The following IQSEC1 variants were observed in gnomAD, a reference collection of about 807,000 sequenced individuals.
The protein encoded by IQSEC1 is IQ motif and Sec7 domain ArfGEF 1, also known as IQ motif and SEC7 domain-containing protein 1.
In IQSEC1, 31 loss-of-function variants were observed where a neutral mutation model predicts 91.0. The ratio of observed to expected loss-of-function variants is 0.34; its 90% confidence interval spans 0.26 to 0.46. The LOEUF (loss-of-function observed/expected upper bound fraction) is 0.46, where lower values mean the gene tolerates loss of function less well. Ranked by LOEUF, IQSEC1 falls within the 20% of genes least tolerant of loss-of-function variation. The pLI, the probability that IQSEC1 is intolerant of heterozygous loss-of-function variation, is 1.00. For missense variants in IQSEC1, 1,388 were observed against 1,575.6 expected, an observed-to-expected ratio of 0.88 and a Z score of 2.02; for synonymous variants, 699 against 662.6, an observed-to-expected ratio of 1.05 and a Z score of -0.84.
intron 1 of IQSEC1, among the ~76,000 whole-genome samples, chr3:13,167,087 G>A (rs1294345529): frequency 3.9e-5 from 6 of 152,104 alleles, no homozygotes; most frequent in East Asian, 1.9e-4. Context: ...CTGTATGTGC[G>A]TGTGTGTGTG....
chr3:13,070,359 T>C (rs1705374446), intron 1 of IQSEC1, among the ~76,000 whole-genome samples: 1 of 152,228 alleles, frequency 6.6e-6, no homozygotes, highest in South Asian at 2.1e-4. Flanking sequence ...ATGAGGCAAC[T>C]AAGCATGAGA....
chr3:13,022,983 CAGGCCA>C (rs1703469561), intron 1 of IQSEC1, among the ~76,000 whole-genome samples: 2 of 152,210 alleles, frequency 1.3e-5, no homozygotes, highest in Admixed American at 1.3e-4. Flanking sequence ...AAGCCCTCCT[CAGGCCA>C]AGAACTAACT....
chr3:13,046,303 G>A (rs1428413225), intron 1 of IQSEC1, among the ~76,000 whole-genome samples: 5 of 152,234 alleles, frequency 3.3e-5, no homozygotes, highest in Admixed American at 2.6e-4. Flanking sequence ...TCAGGTGACT[G>A]CGTGAGCGTG....
At chr3:13,220,606 C>A (rs941217938) in intron 1 of IQSEC1, among the ~76,000 whole-genome samples, 1 of 152,224 alleles carries the variant, frequency 6.6e-6, no homozygotes. Flanking sequence ...ATTTCCTGGT[C>A]GGGACAAGGT....
intron 1 of IQSEC1, among the ~76,000 whole-genome samples, chr3:12,974,350 G>C (rs1403257089): frequency 6.6e-6 from 1 of 152,174 alleles, no homozygotes; most frequent in Admixed American, 6.5e-5. Context: ...AGGGAATGCT[G>C]GTCTGTTGTA....
intron 1 of IQSEC1, among the ~76,000 whole-genome samples, chr3:13,255,926 T>G (rs1293878255): frequency 6.6e-6 from 1 of 152,132 alleles, no homozygotes; most frequent in Non-Finnish European, 1.5e-5. Context: ...TGTCCAGAGA[T>G]ATTTTTGTTG....
chr3:13,197,707 G>A (rs544229418), intron 1 of IQSEC1, among the ~76,000 whole-genome samples: 16 of 152,328 alleles, frequency 1.1e-4, no homozygotes, highest in African/African-American at 3.8e-4. Flanking sequence ...CACAGGCCAG[G>A]CATGGGTGGG....
At chr3:12,929,838 C>T (rs767771984) in intron 3 of IQSEC1, among the ~76,000 whole-genome samples, 2 of 152,176 alleles carry the variant, frequency 1.3e-5, no homozygotes, top group Non-Finnish European at 2.9e-5. Flanking sequence ...GCAGTGTAGT[C>T]GGAGCCTCCT....
chr3:13,090,826 T>C (rs1180557525), intron 2 of IQSEC1, among the ~76,000 whole-genome samples: 1 of 152,126 alleles, frequency 6.6e-6, no homozygotes, highest in Admixed American at 6.5e-5. Context: ...CTTCGATCCT[T>C]GAGCTCAGAA....
At chr3:12,957,435 A>G (rs1459373135) in intron 1 of IQSEC1, among the ~76,000 whole-genome samples, 1 of 152,258 alleles carries the variant, frequency 6.6e-6, no homozygotes, top group African/African-American at 2.4e-5. Context: ...ACACACGCAC[A>G]GAGCCAAAAA....
chr3:13,125,539 G>A (rs1038669210), intron 2 of IQSEC1, among the ~76,000 whole-genome samples: 1 of 152,252 alleles, frequency 6.6e-6, no homozygotes, highest in African/African-American at 2.4e-5. Context: ...GCAGTGCAGT[G>A]TGGCGCTTGA....
chr3:13,212,757 C>T (rs1305874613), intron 1 of IQSEC1, among the ~76,000 whole-genome samples: 1 of 152,176 alleles, frequency 6.6e-6, no homozygotes. Flanking sequence ...ATTTGCCTTT[C>T]CTTGGTGGCT....
chr3:13,063,939 A>C (rs1351869734), intron 1 of IQSEC1, among the ~76,000 whole-genome samples: 1 of 151,580 alleles, frequency 6.6e-6, no homozygotes. Context: ...CCTGATACCC[A>C]CCCTCACCTT....
At chr3:13,189,465 C>T (rs1419564842) in intron 1 of IQSEC1, among the ~76,000 whole-genome samples, 2 of 152,196 alleles carry the variant, frequency 1.3e-5, no homozygotes, top group Non-Finnish European at 2.9e-5. Context: ...TCCACACCTG[C>T]CTGCCAGGAC....
rs542503160 is a variant in IQSEC1, at chr3:12,966,134, A to G, written c.24-24269T>C. The stretch of plus-strand genomic sequence containing the variant: ...GTGGGATATGAATAACATGACCCCC[A>G]TGTCCAGACTGCTGCCACTGATTCC... On this transcript the variant is annotated intron_variant, in intron 1 of 13. Coordinates refer to ENST00000613206, the MANE Select transcript of IQSEC1 (RefSeq NM_001134382.3). Among the ~76,000 whole-genome samples the G allele has an allele frequency of 3.3e-5, 5 of 152,322 alleles. No individual in the cohort carries two copies. In the South Asian group the frequency reaches 1.0e-3, roughly 32 times the overall value.
At chr3:13,068,372 A>G (rs998872030) in intron 1 of IQSEC1, among the ~76,000 whole-genome samples, 2 of 152,222 alleles carry the variant, frequency 1.3e-5, no homozygotes, top group Non-Finnish European at 2.9e-5. Flanking sequence ...TCTAAGTCCC[A>G]ACATCATGCC....
intron 13 of IQSEC1, 86 bp from the exon 14 acceptor site, chr3:12,901,608 T>G (rs984968435): frequency 5.3e-6 from 6 of 1,140,932 alleles, no homozygotes; most frequent in Non-Finnish European, 1.2e-6. Context: ...ATGTAAAAAT[T>G]CACCCACTGA....
At chr3:13,240,759 A>C (rs571849440) in intron 1 of IQSEC1, among the ~76,000 whole-genome samples, 1 of 152,314 alleles carries the variant, frequency 6.6e-6, no homozygotes, top group Admixed American at 6.5e-5. Flanking sequence ...TCTGGGCTCC[A>C]TGAAAGACCC....
intron 1 of IQSEC1, among the ~76,000 whole-genome samples, chr3:13,064,717 T>C (rs868205967): frequency 7.9e-5 from 12 of 152,242 alleles, no homozygotes; most frequent in African/African-American, 2.9e-4. Context: ...TCATACAAAA[T>C]GCATTTTGTG....
Sources: allele counts gnomAD v4.1 joint callset (sites outside exome capture counted in the v4.1 genomes callset), GRCh38; gene constraint gnomAD v4.1.1; transcripts MANE v1.5; gene names NCBI Gene and HGNC (gene_info 2026-07-23, HGNC 2026-07-21).